Variants in SLC9A9 observed in about 807,000 individuals in gnomAD.
The protein encoded by SLC9A9 is solute carrier family 9 member A9.
Under a neutral mutation model 77.8 loss-of-function variants are expected in SLC9A9, and 62 were observed. That is an observed-to-expected ratio of 0.80 (90% CI 0.65 to 0.98). The LOEUF (loss-of-function observed/expected upper bound fraction) is 0.98, where lower values mean the gene tolerates loss of function less well. SLC9A9 is among the 50% of genes least tolerant of loss of function. The probability of loss-of-function intolerance (pLI) is 0.00; values close to 1 mark genes in which losing one functional copy is unlikely to be tolerated. For synonymous variants in SLC9A9, 320 were observed against 283.5 expected (o/e 1.13, Z -1.29); for missense variants, 775 against 774.9 (o/e 1.00, Z 0.00).
chr3:143,760,941 A>G (rs754092186), intron 4 of SLC9A9, among the ~76,000 whole-genome samples: 4 of 152,200 alleles, frequency 2.6e-5, no homozygotes, highest in Non-Finnish European at 4.4e-5. Flanking sequence ...ACTTCAAACT[A>G]TACTACAAGG....
intron 6 of SLC9A9, among the ~76,000 whole-genome samples, chr3:143,594,043 TA>T (rs1350657700): frequency 6.6e-6 from 1 of 152,182 alleles, no homozygotes; most frequent in Non-Finnish European, 1.5e-5. Flanking sequence ...TTGGTTCTGT[TA>T]AATTATTTAC....
chr3:143,463,322 C>A (rs909211571), intron 12 of SLC9A9, among the ~76,000 whole-genome samples: 1 of 152,176 alleles, frequency 6.6e-6, no homozygotes, highest in African/African-American at 2.4e-5. Context: ...CTGAAAGTTT[C>A]TTGGCTCCAT....
intron 6 of SLC9A9, among the ~76,000 whole-genome samples, chr3:143,639,283 C>T (rs2038581796): frequency 6.6e-6 from 1 of 152,132 alleles, no homozygotes; most frequent in Non-Finnish European, 1.5e-5. Context: ...GTGTGGCAAC[C>T]TTTGGAAATC....
At chr3:143,755,073 G>A (rs544527443) in intron 4 of SLC9A9, among the ~76,000 whole-genome samples, 1 of 152,302 alleles carries the variant, frequency 6.6e-6, no homozygotes, top group South Asian at 2.1e-4. Context: ...CTGAGCTTGA[G>A]TGGTTTATGG....
chr3:143,523,963 C>A lies in SLC9A9; in HGVS notation c.1089+28399G>T, dbSNP rs140398275. On this transcript the variant is annotated intron_variant, in intron 9 of 15. Coordinates refer to ENST00000316549, the MANE Select transcript of SLC9A9 (RefSeq NM_173653.4). ...AGTCAAACAATGATATCTAATGGTACTGTTATTTTCTGACATGCTGAAAGA... is the reference window on the plus strand; with the variant it reads ...AGTCAAACAATGATATCTAATGGTAATGTTATTTTCTGACATGCTGAAAGA... Among the ~76,000 whole-genome samples the A allele has an allele frequency of 5.9e-4, 90 of 152,238 alleles. 1 individual carries two copies. The highest frequency in any genetic ancestry group is 1.5e-3 in the African/African-American group (61 of 41,542).
intron 9 of SLC9A9, among the ~76,000 whole-genome samples, chr3:143,543,878 T>C (rs1457584455): frequency 6.6e-6 from 1 of 152,162 alleles, no homozygotes; most frequent in Non-Finnish European, 1.5e-5. Context: ...ATAGACTAAT[T>C]TTCCTTTGGA....
chr3:143,604,051 C>T (rs899284366), intron 6 of SLC9A9, among the ~76,000 whole-genome samples: 4 of 152,288 alleles, frequency 2.6e-5, no homozygotes, highest in African/African-American at 9.6e-5. Context: ...TTTTCTTTAA[C>T]TGACCTGCAG....
At position 143,671,226 on chromosome 3, in the gene SLC9A9, G is replaced by A. The variant is rs531374532; in HGVS notation, c.650-18866C>T. Among the ~76,000 whole-genome samples the A allele has an allele frequency of 2.6e-3, 390 of 152,238 alleles. 2 individuals carry two copies. Among genetic ancestry groups the A allele is most frequent in the African/African-American group, 8.9e-3 (371 of 41,536 alleles). On this transcript the variant is annotated intron_variant, in intron 5 of 15. Transcript: ENST00000316549. Reference sequence around the variant, plus strand: ...GCTTTTAATTTGCTGCCAATCCGTGGCTTTGGGTTGCTTCTACATATTGAT... The same window carrying A: ...GCTTTTAATTTGCTGCCAATCCGTGACTTTGGGTTGCTTCTACATATTGAT...
chr3:143,679,992 G>T (rs1404199897), intron 5 of SLC9A9, among the ~76,000 whole-genome samples: 3 of 152,080 alleles, frequency 2.0e-5, no homozygotes, highest in African/African-American at 7.2e-5. Context: ...AAACCTGATT[G>T]AGGAACTCCT....
intron 12 of SLC9A9, among the ~76,000 whole-genome samples, chr3:143,399,927 T>C (rs2033813165): frequency 6.6e-6 from 1 of 152,182 alleles, no homozygotes; most frequent in South Asian, 2.1e-4. Flanking sequence ...TGCTAGATAT[T>C]GTGGTAGACA....
intron 8 of SLC9A9, among the ~76,000 whole-genome samples, chr3:143,556,881 G>C (rs1280931551): frequency 6.6e-6 from 1 of 152,136 alleles, no homozygotes; most frequent in African/African-American, 2.4e-5. Flanking sequence ...TGTCATAACT[G>C]AGACAATGAG....
intron 9 of SLC9A9, among the ~76,000 whole-genome samples, chr3:143,537,516 G>A (rs1327206476): frequency 6.6e-6 from 1 of 152,224 alleles, no homozygotes; most frequent in Non-Finnish European, 1.5e-5. Context: ...TAGAGTATCT[G>A]CTATGTTTTC....
chr3:143,574,402 G>A (rs1487276359), intron 7 of SLC9A9, among the ~76,000 whole-genome samples: 1 of 152,194 alleles, frequency 6.6e-6, no homozygotes, highest in East Asian at 1.9e-4. Flanking sequence ...GAACGTGCCT[G>A]TAAAAATTCA....
At chr3:143,317,869 A>T (rs2031275088) in intron 14 of SLC9A9, among the ~76,000 whole-genome samples, 1 of 152,160 alleles carries the variant, frequency 6.6e-6, no homozygotes, top group Non-Finnish European at 1.5e-5. Context: ...CTGAGACTAC[A>T]GGCACCCGCC....
intron 14 of SLC9A9, among the ~76,000 whole-genome samples, chr3:143,316,785 G>C (rs181207744): frequency 2.6e-5 from 4 of 152,276 alleles, no homozygotes; most frequent in Non-Finnish European, 2.9e-5. Context: ...ACAATATTAA[G>C]AGCAAATTCA....
intron 14 of SLC9A9, among the ~76,000 whole-genome samples, chr3:143,319,215 G>C (rs1358340033): frequency 1.3e-5 from 2 of 152,178 alleles, no homozygotes; most frequent in Non-Finnish European, 2.9e-5. Context: ...AAAGGAGTTT[G>C]AGAATGAAAG....
intron 6 of SLC9A9, among the ~76,000 whole-genome samples, chr3:143,614,740 C>A (rs1451539723): frequency 6.6e-6 from 1 of 152,118 alleles, no homozygotes; most frequent in Non-Finnish European, 1.5e-5. Context: ...AATTCAGATT[C>A]CACATTTATG....
chr3:143,606,426 CTCTCTCTCTCTATATATA>C lies in SLC9A9; in HGVS notation c.756-27721_756-27704del, dbSNP rs1459244521. Among the ~76,000 whole-genome samples the C allele has an allele frequency of 3.3e-3, 242 of 73,978 alleles. 3 individuals carry two copies. Among genetic ancestry groups the C allele is most frequent in the African/African-American group, 0.011 (232 of 20,174 alleles). 48.5% of individuals were successfully genotyped at this position (73,978 alleles called of 152,430 possible). On this transcript the variant is annotated intron_variant, in intron 6 of 15. Transcript: ENST00000316549. ...TCTCTCTCTCTCTCTCTCTCTCTCT[CTCTCTCTCTCTATATATA>C]TATATATATATATATATGTATATAA...
rs185040828 is a variant in SLC9A9 at position 143,461,389 on chromosome 3, A to G, written c.1469+5648T>C. Among the ~76,000 whole-genome samples, 6 of 152,296 alleles carry G rather than the reference A, an allele frequency of 3.9e-5. No individual in the cohort carries two copies. The East Asian group carries it at 1.2e-3, about 29-fold the overall frequency. Reference sequence around the variant, plus strand: ...ATGCTTTCATAAATATAATTAATTAATAATAGTTTATATGTGTATGTGCGT... The same window carrying G: ...ATGCTTTCATAAATATAATTAATTAGTAATAGTTTATATGTGTATGTGCGT... On this transcript the variant is annotated intron_variant, in intron 12 of 15. Coordinates refer to ENST00000316549, the MANE Select transcript of SLC9A9 (RefSeq NM_173653.4).
Sources: allele counts gnomAD v4.1 joint callset (sites outside exome capture counted in the v4.1 genomes callset), GRCh38; gene constraint gnomAD v4.1.1; transcripts MANE v1.5; gene names NCBI Gene and HGNC (gene_info 2026-07-23, HGNC 2026-07-21).